CNTNAP2: variants seen among roughly 807,000 people sequenced by gnomAD.
The protein encoded by CNTNAP2 is contactin associated protein 2, also known as contactin-associated protein-like 2.
A neutral mutation model predicts 155.2 loss-of-function variants in CNTNAP2; 98 were observed. That is an observed-to-expected ratio of 0.63 (90% confidence interval 0.54 to 0.75). CNTNAP2 has a LOEUF of 0.75. Among genes scored for constraint, CNTNAP2 ranks in the 30% least tolerant of loss-of-function variants. The pLI is 0.00. For missense variants in CNTNAP2, 1,727 were observed against 1,688.1 expected, an observed-to-expected ratio of 1.02 and a Z score of -0.40; for synonymous variants, 651 against 631.2, an observed-to-expected ratio of 1.03 and a Z score of -0.47.
At chr7:147,632,659 T>G (rs1303242279) in intron 12 of CNTNAP2, among the ~76,000 whole-genome samples, 1 of 152,140 alleles carries the variant, frequency 6.6e-6, no homozygotes. Context: ...AGTAAATTGG[T>G]ACTGGGTAGT....
chr7:147,836,262 T>G (rs976529405), intron 13 of CNTNAP2, among the ~76,000 whole-genome samples: 1 of 152,216 alleles, frequency 6.6e-6, no homozygotes, highest in Non-Finnish European at 1.5e-5. Context: ...CTAAATGTTT[T>G]TTAGCCTAAA....
chr7:147,018,175 A>G (rs947453632), intron 3 of CNTNAP2, among the ~76,000 whole-genome samples: 1 of 152,120 alleles, frequency 6.6e-6, no homozygotes, highest in Non-Finnish European at 1.5e-5. Context: ...TGGATAATTT[A>G]TCTTACTAAA....
Position 146,812,231 on chromosome 7 carries a change from G to T in CNTNAP2, c.209-27480G>T, listed in dbSNP as rs183566470. Reference sequence around the variant, plus strand: ...AATGGCTTTGACCAAAATGCTGACGGTTATATGGACAATAAAGTCCAGGTT... The same window carrying T: ...AATGGCTTTGACCAAAATGCTGACGTTTATATGGACAATAAAGTCCAGGTT... On this transcript the variant is annotated intron_variant, in intron 2 of 23. Transcript: ENST00000361727. Among the ~76,000 whole-genome samples the T allele has an allele frequency of 3.9e-5, 6 of 152,080 alleles. No individual in the cohort carries two copies. The East Asian group carries it at 9.7e-4, about 25-fold the overall frequency.
At chr7:147,228,757 T>A (rs1390741746) in intron 8 of CNTNAP2, among the ~76,000 whole-genome samples, 1 of 152,064 alleles carries the variant, frequency 6.6e-6, no homozygotes, top group Non-Finnish European at 1.5e-5. Flanking sequence ...GCTGCACCCA[T>A]CAACCCGTCA....
At chr7:147,442,539 TC>T (rs1469189088) in intron 10 of CNTNAP2, among the ~76,000 whole-genome samples, 3 of 152,050 alleles carry the variant, frequency 2.0e-5, no homozygotes, top group Admixed American at 1.3e-4. Context: ...CAAGATGAAA[TC>T]CCCTTTGCTT....
At chr7:147,738,606 A>G (rs890040297) in intron 13 of CNTNAP2, among the ~76,000 whole-genome samples, 2 of 152,062 alleles carry the variant, frequency 1.3e-5, no homozygotes, top group African/African-American at 4.8e-5. Flanking sequence ...TCTTGGTCAT[A>G]ATGCTTTTGC....
chr7:146,805,346 C>A (rs1326582583), intron 2 of CNTNAP2, among the ~76,000 whole-genome samples: 1 of 152,094 alleles, frequency 6.6e-6, no homozygotes, highest in African/African-American at 2.4e-5. Flanking sequence ...ATAGGGTAGG[C>A]CTCTATAAAA....
chr7:147,767,663 G>A (rs372250290), intron 13 of CNTNAP2, among the ~76,000 whole-genome samples: 8 of 151,978 alleles, frequency 5.3e-5, no homozygotes, highest in East Asian at 1.9e-4. Context: ...GGAGGAGATT[G>A]GGAGTACCGA....
At chr7:147,327,648 A>G (rs948251641) in intron 9 of CNTNAP2, among the ~76,000 whole-genome samples, 3 of 152,172 alleles carry the variant, frequency 2.0e-5, no homozygotes, top group South Asian at 4.1e-4. Context: ...ATGAATGTGC[A>G]TTATTTTTTC....
intron 1 of CNTNAP2, among the ~76,000 whole-genome samples, chr7:146,145,204 A>G (rs1797941034): frequency 6.6e-6 from 1 of 152,192 alleles, no homozygotes; most frequent in Non-Finnish European, 1.5e-5. Context: ...CGTGTCCATG[A>G]TCAGAGAAAG....
rs1258672522 is a variant in CNTNAP2, at chr7:146,941,373, C to T, written c.402+101469C>T. Among the ~76,000 whole-genome samples the T allele has an allele frequency of 2.0e-5, 3 of 152,248 alleles. No homozygotes were observed. The East Asian group carries it at 5.8e-4, about 29-fold the overall frequency. On this transcript the variant is annotated intron_variant, in intron 3 of 23. Transcript: ENST00000361727. ...CTTTGATCACAAAAAAGCAACTCTA[C>T]ACTTTAACTCTACTTCCCCTCTACA...
At chr7:147,737,757 T>C (rs1563071488) in intron 13 of CNTNAP2, among the ~76,000 whole-genome samples, 1 of 152,192 alleles carries the variant, frequency 6.6e-6, no homozygotes, top group Non-Finnish European at 1.5e-5. Context: ...CCTTGCGGTT[T>C]GATCTCAGAC....
At chr7:147,337,457 T>C (rs1006426820) in intron 9 of CNTNAP2, among the ~76,000 whole-genome samples, 1 of 152,160 alleles carries the variant, frequency 6.6e-6, no homozygotes, top group Non-Finnish European at 1.5e-5. Context: ...CAATGTATTC[T>C]ACAGTTACTC....
intron 2 of CNTNAP2, among the ~76,000 whole-genome samples, chr7:146,797,494 T>A (rs1229092431): frequency 6.6e-6 from 1 of 152,224 alleles, no homozygotes; most frequent in African/African-American, 2.4e-5. Context: ...TAACCAAGTA[T>A]GCCTTGTGGA....
intron 9 of CNTNAP2, among the ~76,000 whole-genome samples, chr7:147,312,419 A>T (rs1240824538): frequency 1.3e-5 from 1 of 76,842 alleles, no homozygotes; most frequent in Non-Finnish European, 2.6e-5. Flanking sequence ...CCCTCCCCCG[A>T]CCCCACAACA....
chr7:146,434,296 T>C (rs1006203984), intron 1 of CNTNAP2, among the ~76,000 whole-genome samples: 14 of 152,174 alleles, frequency 9.2e-5, no homozygotes, highest in Non-Finnish European at 1.3e-4. Flanking sequence ...ACAGAATTTC[T>C]AAGAGGCAAT....
chr7:146,942,953 G>C (rs954937334), intron 3 of CNTNAP2, among the ~76,000 whole-genome samples: 2 of 152,016 alleles, frequency 1.3e-5, no homozygotes, highest in African/African-American at 2.4e-5. Context: ...ATTTATCACA[G>C]TAAAAATTTA....
chr7:148,180,531 A>G (rs1279519015), intron 18 of CNTNAP2, among the ~76,000 whole-genome samples: 2 of 152,118 alleles, frequency 1.3e-5, no homozygotes, highest in Non-Finnish European at 2.9e-5. Flanking sequence ...ACAGTCTGAC[A>G]AAGCCAGTTT....
At chr7:146,629,567 A>T (rs771134721) in intron 1 of CNTNAP2, among the ~76,000 whole-genome samples, 2 of 152,192 alleles carry the variant, frequency 1.3e-5, no homozygotes, top group African/African-American at 4.8e-5. Flanking sequence ...GAATTATGGC[A>T]TATGATTTCC....
Sources: allele counts gnomAD v4.1 joint callset (sites outside exome capture counted in the v4.1 genomes callset), GRCh38; gene constraint gnomAD v4.1.1; transcripts MANE v1.5; gene names NCBI Gene and HGNC (gene_info 2026-07-23, HGNC 2026-07-21).